Variants in CMIP observed in about 807,000 individuals in gnomAD.
The protein encoded by CMIP is C-Maf-inducing protein.
CMIP carries 13 observed loss-of-function variants against 97.3 expected under a neutral mutation model. The observed-to-expected ratio is 0.13, with a 90% CI of 0.09 to 0.21. The LOEUF (loss-of-function observed/expected upper bound fraction) is 0.21. Among genes scored for constraint, CMIP ranks in the 10% least tolerant of loss-of-function variants. CMIP has a pLI of 1.00. For synonymous variants in CMIP, 538 were observed against 436.3 expected, an observed-to-expected ratio of 1.23 and a Z score of -2.91; for missense variants, 847 against 1,024.9, an observed-to-expected ratio of 0.83 and a Z score of 2.37.
intron 16 of CMIP, 95 bp from the exon 17 acceptor site, chr16:81,702,527 A>C: frequency 2.4e-6 from 3 of 1,275,670 alleles, no homozygotes; most frequent in Non-Finnish European, 3.4e-6. Context: ...CCAAGAAAAT[A>C]ACGATGGCTC....
intron 1 of CMIP, chr16:81,475,986 C>CAA (rs371817286): frequency 1.5e-3 from 575 of 391,684 alleles, no homozygotes; most frequent in Middle Eastern, 2.4e-3. Flanking sequence ...GACTCCTTCT[C>CAA]AAAAAAAAAA....
At chr16:81,572,824 C>T (rs949535459) in intron 1 of CMIP, among the ~76,000 whole-genome samples, 2 of 152,178 alleles carry the variant, frequency 1.3e-5, no homozygotes, top group African/African-American at 4.8e-5. Context: ...TTGGTGCCCA[C>T]CCTGCTAGCC....
intron 1 of CMIP, among the ~76,000 whole-genome samples, chr16:81,602,512 A>G (rs968132313): frequency 6.6e-6 from 1 of 152,250 alleles, no homozygotes; most frequent in African/African-American, 2.4e-5. Flanking sequence ...ACAAATGTAT[A>G]CAGCCAAGTG....
intron 1 of CMIP, among the ~76,000 whole-genome samples, chr16:81,568,996 G>C (rs1249834487): frequency 6.6e-6 from 1 of 152,188 alleles, no homozygotes; most frequent in Non-Finnish European, 1.5e-5. Flanking sequence ...AAAAATCAAA[G>C]AGATGTAAAT....
At chr16:81,584,651 G>A (rs1444659608) in intron 1 of CMIP, among the ~76,000 whole-genome samples, 2 of 152,284 alleles carry the variant, frequency 1.3e-5, no homozygotes, top group Admixed American at 1.3e-4. Flanking sequence ...CAACTAGGAA[G>A]ACTGAAGCTC....
At chr16:81,516,454 C>T (rs763601416) in intron 1 of CMIP, among the ~76,000 whole-genome samples, 1 of 151,682 alleles carries the variant, frequency 6.6e-6, no homozygotes, top group Non-Finnish European at 1.5e-5. Context: ...CAGATACGTG[C>T]CGTGTTCCAG....
intron 1 of CMIP, among the ~76,000 whole-genome samples, chr16:81,587,592 T>C (rs1363543397): frequency 6.6e-6 from 1 of 152,134 alleles, no homozygotes; most frequent in African/African-American, 2.4e-5. Flanking sequence ...AAACCAAAGG[T>C]GCTAGAGATG....
rs530793681 is a variant in CMIP, at chr16:81,683,849, C to T, written c.1388+5221C>T. ...CGATCTCAGCTCACTGCAACCTCTG[C>T]CTCGCGGGTTCAAGCCATTCTCCTG... On this transcript the variant is annotated intron_variant, in intron 10 of 20. Transcript: ENST00000537098. 2.7e-5 allele frequency among the ~76,000 whole-genome samples: 4 copies of T among 148,414 alleles called. No homozygotes were observed. The East Asian group carries it at 7.9e-4, about 29-fold the overall frequency.
At chr16:81,504,929 C>T (rs2089680894) in intron 1 of CMIP, among the ~76,000 whole-genome samples, 1 of 152,196 alleles carries the variant, frequency 6.6e-6, no homozygotes, top group African/African-American at 2.4e-5. Context: ...GGTCTTTTCC[C>T]ACAGACAGTT....
intron 1 of CMIP, among the ~76,000 whole-genome samples, chr16:81,473,358 C>T (rs898428457): frequency 2.0e-5 from 3 of 152,158 alleles, no homozygotes; most frequent in South Asian, 2.1e-4. Flanking sequence ...ATGTCTGGGA[C>T]GGATTTCAGG....
At chr16:81,462,285 A>G (rs1906942160) in intron 1 of CMIP, among the ~76,000 whole-genome samples, 1 of 152,176 alleles carries the variant, frequency 6.6e-6, no homozygotes, top group Non-Finnish European at 1.5e-5. Context: ...ACTCCCTTTG[A>G]AAATGTGCTG....
chr16:81,666,867 G>A (rs2092608938), intron 7 of CMIP: 1 of 152,240 alleles, frequency 6.6e-6, no homozygotes, highest in Non-Finnish European at 1.5e-5. Flanking sequence ...ACAGGCGGTG[G>A]GCGAGAGAGA....
At chr16:81,642,070 G>A (rs1378641302) in intron 3 of CMIP, among the ~76,000 whole-genome samples, 11 of 152,270 alleles carry the variant, frequency 7.2e-5, no homozygotes, top group Non-Finnish European at 1.5e-4. Context: ...GCTTCGCACA[G>A]GACCTGGCCT....
At position 81,652,129 on chromosome 16, in the gene CMIP, T is replaced by C; in HGVS notation, c.478-74T>C. The C allele has an allele frequency of 7.9e-7, 1 of 1,260,528 alleles. No individual in the cohort carries two copies. The highest frequency in any genetic ancestry group is 1.3e-5 in the South Asian group (1 of 77,214). 78.1% of individuals were successfully genotyped at this position (1,260,528 alleles called of 1,614,324 possible). On this transcript the variant is annotated intron_variant, in intron 3 of 20. Coordinates refer to ENST00000537098, the MANE Select transcript of CMIP (RefSeq NM_198390.3). This position sits in a 1 kb window ranked among gnomAD's most constrained non-coding sequence, Gnocchi z 5.2. ...CCCTTTACACCCTAACCCATCTGAT[T>C]CTTTGATTGTCTTCCATCTTCTGCC...
chr16:81,541,501 G>A lies in CMIP; in HGVS notation c.301-66066G>A, dbSNP rs548335433. ...TAGGATGCTCTTGGGACCCTCACAC[G>A]CTTCTTCCATGAGTTGAGCTGTTTG... On this transcript the variant is annotated intron_variant, in intron 1 of 20. Coordinates refer to ENST00000537098, the MANE Select transcript of CMIP (RefSeq NM_198390.3). 1.7e-4 allele frequency among the ~76,000 whole-genome samples: 26 copies of A among 152,278 alleles called. No individual in the cohort carries two copies. The South Asian group carries it at 4.1e-3, about 24-fold the overall frequency.
chr16:81,552,922 A>C (rs1449185582), intron 1 of CMIP, among the ~76,000 whole-genome samples: 1 of 152,134 alleles, frequency 6.6e-6, no homozygotes. Context: ...GTCCTTTCCA[A>C]GGGGAAGACT....
chr16:81,550,357 C>A (rs116133141), intron 1 of CMIP, among the ~76,000 whole-genome samples: 194 of 152,292 alleles, frequency 1.3e-3, no homozygotes, highest in African/African-American at 4.4e-3. Flanking sequence ...TGGCTGGGGC[C>A]TGCCTTAGGT....
intron 1 of CMIP, among the ~76,000 whole-genome samples, chr16:81,530,358 C>T (rs1328214075): frequency 6.6e-6 from 1 of 152,132 alleles, no homozygotes; most frequent in Non-Finnish European, 1.5e-5. Flanking sequence ...GACCTAGGTG[C>T]AGTTCCTGTT....
intron 1 of CMIP, among the ~76,000 whole-genome samples, chr16:81,526,136 A>C (rs961512286): frequency 6.6e-6 from 1 of 152,048 alleles, no homozygotes; most frequent in East Asian, 1.9e-4. Context: ...CCCTGCTTTC[A>C]GTTTGTTTGG....
Sources: gnomAD v4.1 joint callset for allele counts (sites outside exome capture counted in the v4.1 genomes callset) on GRCh38, gnomAD v4.1.1 for gene constraint, Gnocchi (gnomAD v3.1) non-coding constraint, MANE v1.5 for transcripts, NCBI Gene and HGNC (gene_info 2026-07-23, HGNC 2026-07-21) for gene names.